GLIS3: variants seen among roughly 807,000 people sequenced by gnomAD.
GLIS3 encodes GLIS family zinc finger 3.
GLIS3 carries 53 observed loss-of-function variants against 78.6 expected under a neutral mutation model. The observed-to-expected ratio is 0.67, with a 90% confidence interval of 0.54 to 0.85. The LOEUF is 0.85. GLIS3 is among the 40% of genes least tolerant of loss of function. The pLI, the probability that GLIS3 is intolerant of heterozygous loss-of-function variation, is 0.00. For synonymous variants in GLIS3, 684 were observed against 509.9 expected, an observed-to-expected ratio of 1.34 and a Z score of -4.60; for missense variants, 1,703 against 1,231.1, an observed-to-expected ratio of 1.38 and a Z score of -5.74.
At chr9:4,151,742 G>C (rs929315135) in intron 2 of GLIS3, among the ~76,000 whole-genome samples, 1 of 152,124 alleles carries the variant, frequency 6.6e-6, no homozygotes, top group African/African-American at 2.4e-5. Flanking sequence ...TTATGTCTAT[G>C]AGTTTGGATA....
At chr9:4,205,639 C>G (rs1046398145) in intron 2 of GLIS3, among the ~76,000 whole-genome samples, 4 of 152,140 alleles carry the variant, frequency 2.6e-5, no homozygotes, top group South Asian at 2.1e-4. Flanking sequence ...TGGGGAGAAT[C>G]CAGGTCCTTG....
intron 2 of GLIS3, among the ~76,000 whole-genome samples, chr9:4,200,165 A>G (rs1480917018): frequency 1.3e-5 from 2 of 152,234 alleles, no homozygotes; most frequent in Non-Finnish European, 2.9e-5. Context: ...CAGCGCTAAC[A>G]GGAGTTTTTA....
intron 4 of GLIS3, among the ~76,000 whole-genome samples, chr9:4,045,017 G>A (rs1281553668): frequency 1.3e-5 from 2 of 152,176 alleles, no homozygotes; most frequent in East Asian, 3.9e-4. Flanking sequence ...AAACAAGGCA[G>A]AGAACAGAGC....
At chr9:4,371,324 C>G in the GLIS3 span, among the ~76,000 whole-genome samples, 1 of 152,146 alleles carries the variant, frequency 6.6e-6, no homozygotes, top group Non-Finnish European at 1.5e-5. Context: ...GTCAGTCCCT[C>G]TTATGGGCTG....
intron 4 of GLIS3, among the ~76,000 whole-genome samples, chr9:3,976,970 A>C (rs965557296): frequency 6.6e-6 from 1 of 151,950 alleles, no homozygotes; most frequent in Non-Finnish European, 1.5e-5. Context: ...TTAGCCCTTG[A>C]ATCAGAATAA....
intron 2 of GLIS3, among the ~76,000 whole-genome samples, chr9:4,261,937 C>A (rs1825571237): frequency 6.6e-6 from 1 of 152,194 alleles, no homozygotes; most frequent in Non-Finnish European, 1.5e-5. Context: ...CCAAAGAGGG[C>A]TCTCCAGCAG....
chr9:4,116,422 C>T (rs144823399), intron 4 of GLIS3, among the ~76,000 whole-genome samples: 3 of 152,328 alleles, frequency 2.0e-5, no homozygotes, highest in Non-Finnish European at 2.9e-5. Flanking sequence ...CTGGCATTCT[C>T]GCAATGTATC....
chr9:4,086,444 T>C (rs1829027393), intron 4 of GLIS3, among the ~76,000 whole-genome samples: 2 of 152,254 alleles, frequency 1.3e-5, no homozygotes, highest in Non-Finnish European at 2.9e-5. Context: ...ACCAGGATCC[T>C]ATTCGTGGTA....
At chr9:4,318,364 G>A (rs1038319857) in intron 2 of GLIS3, among the ~76,000 whole-genome samples, 9 of 152,196 alleles carry the variant, frequency 5.9e-5, no homozygotes, top group East Asian at 3.9e-4. Context: ...CCAGAGTTTC[G>A]TTTCTGAATA....
At chr9:4,453,496 C>T in the GLIS3 span, among the ~76,000 whole-genome samples, 2 of 151,814 alleles carry the variant, frequency 1.3e-5, no homozygotes, top group Non-Finnish European at 2.9e-5. Context: ...AAAAAACAAC[C>T]CCATCAAAAA....
At chr9:3,980,533 A>C (rs986986952) in intron 4 of GLIS3, among the ~76,000 whole-genome samples, 13 of 152,158 alleles carry the variant, frequency 8.5e-5, no homozygotes, top group African/African-American at 3.1e-4. Flanking sequence ...TTCCCAGATG[A>C]CCTTGCTGTG....
chr9:4,012,772 T>A (rs868687327), intron 4 of GLIS3, among the ~76,000 whole-genome samples: 9 of 137,228 alleles, frequency 6.6e-5, no homozygotes, highest in African/African-American at 2.6e-4. Flanking sequence ...TTTCTTTTTT[T>A]TTTTTTTTTT....
chr9:4,455,970 C>A, the GLIS3 span, among the ~76,000 whole-genome samples: 1 of 151,962 alleles, frequency 6.6e-6, no homozygotes, highest in Non-Finnish European at 1.5e-5. Flanking sequence ...AAAAATTAGC[C>A]GGGTGTGGTG....
At chr9:4,462,219 A>G in the GLIS3 span, among the ~76,000 whole-genome samples, 1 of 152,190 alleles carries the variant, frequency 6.6e-6, no homozygotes, top group Non-Finnish European at 1.5e-5. Flanking sequence ...CAAGATCACT[A>G]TTCAATGTAT....
intron 2 of GLIS3, among the ~76,000 whole-genome samples, chr9:4,221,305 A>C (rs1355315806): frequency 2.0e-5 from 3 of 152,228 alleles, no homozygotes; most frequent in African/African-American, 7.2e-5. Context: ...ATTATTCTTA[A>C]ACCTTTTCTG....
At chr9:4,160,986 A>G (rs1835425017) in intron 2 of GLIS3, among the ~76,000 whole-genome samples, 1 of 150,796 alleles carries the variant, frequency 6.6e-6, no homozygotes, top group Non-Finnish European at 1.5e-5. Flanking sequence ...GTTCATGCCT[A>G]TAATCCCAGC....
At chr9:3,997,580 T>C (rs1820838098) in intron 4 of GLIS3, among the ~76,000 whole-genome samples, 1 of 151,956 alleles carries the variant, frequency 6.6e-6, no homozygotes, top group Non-Finnish European at 1.5e-5. Flanking sequence ...AATATATACA[T>C]CATGACCAAG....
At chr9:4,051,704 C>G (rs1329402880) in intron 4 of GLIS3, among the ~76,000 whole-genome samples, 2 of 152,306 alleles carry the variant, frequency 1.3e-5, no homozygotes, top group Admixed American at 6.5e-5. Flanking sequence ...TTTGAAAACT[C>G]TTCAGATGTC....
At chr9:4,029,054 A>G (rs756149737) in intron 4 of GLIS3, among the ~76,000 whole-genome samples, 3 of 152,316 alleles carry the variant, frequency 2.0e-5, no homozygotes, top group East Asian at 1.9e-4. Flanking sequence ...TTGTAGAAAG[A>G]AGAAAAAAAG....
Sources: allele counts gnomAD v4.1 joint callset (sites outside exome capture counted in the v4.1 genomes callset), GRCh38; gene constraint gnomAD v4.1.1; transcripts MANE v1.5; gene names NCBI Gene and HGNC (gene_info 2026-07-23, HGNC 2026-07-21).